Variants in CNTNAP5 observed in about 807,000 individuals in gnomAD.
CNTNAP5 encodes contactin associated protein family member 5.
In CNTNAP5, 72 loss-of-function variants were observed where a neutral mutation model predicts 150.2. The ratio of observed to expected loss-of-function variants is 0.48; its 90% CI spans 0.40 to 0.58. The LOEUF (loss-of-function observed/expected upper bound fraction) is 0.58. Ranked by LOEUF, CNTNAP5 falls within the 20% of genes least tolerant of loss-of-function variation. The pLI, the probability that CNTNAP5 is intolerant of heterozygous loss-of-function variation, is 0.00. For missense variants in CNTNAP5, 1,636 were observed against 1,626.2 expected (o/e 1.01, Z -0.10); for synonymous variants, 672 against 619.8 (o/e 1.08, Z -1.25).
At chr2:124,196,547 T>C (rs1685591832) in intron 1 of CNTNAP5, among the ~76,000 whole-genome samples, 1 of 152,162 alleles carries the variant, frequency 6.6e-6, no homozygotes, top group Admixed American at 6.6e-5. Flanking sequence ...TATCCCATAC[T>C]CCTTAACAGA....
intron 8 of CNTNAP5, among the ~76,000 whole-genome samples, chr2:124,520,771 T>C (rs1228257211): frequency 6.6e-6 from 1 of 152,198 alleles, no homozygotes; most frequent in Non-Finnish European, 1.5e-5. Context: ...GTTGCTTTCC[T>C]GTTCTCCTCA....
At chr2:124,863,561 A>G (rs1272441510) in intron 19 of CNTNAP5, among the ~76,000 whole-genome samples, 1 of 152,218 alleles carries the variant, frequency 6.6e-6, no homozygotes, top group Non-Finnish European at 1.5e-5. Flanking sequence ...GTGTTAGGCA[A>G]TGGCCTCATA....
intron 14 of CNTNAP5, among the ~76,000 whole-genome samples, chr2:124,758,629 G>C (rs1573597828): frequency 6.6e-6 from 1 of 152,048 alleles, no homozygotes; most frequent in East Asian, 1.9e-4. Context: ...GGGTGCAGAG[G>C]AAGATGAGAT....
At chr2:124,359,269 T>C (rs1421541427) in intron 3 of CNTNAP5, among the ~76,000 whole-genome samples, 1 of 151,168 alleles carries the variant, frequency 6.6e-6, no homozygotes, top group Non-Finnish European at 1.5e-5. Context: ...CTGGATTCAT[T>C]GATTTTTTGA....
intron 10 of CNTNAP5, 112 bp from the exon 11 acceptor site, chr2:124,563,104 GC>G (rs1695932503): frequency 4.5e-6 from 3 of 673,956 alleles, no homozygotes; most frequent in Non-Finnish European, 8.0e-6. Flanking sequence ...TGGGAGTATA[GC>G]AAATCAATAT....
chr2:124,263,421 G>A (rs1687515747), intron 3 of CNTNAP5, among the ~76,000 whole-genome samples: 1 of 152,118 alleles, frequency 6.6e-6, no homozygotes, highest in Non-Finnish European at 1.5e-5. Flanking sequence ...ATTTTTTCAT[G>A]TGTCTTTTGG....
intron 12 of CNTNAP5, among the ~76,000 whole-genome samples, chr2:124,621,672 C>T (rs960207165): frequency 6.6e-6 from 1 of 152,138 alleles, no homozygotes; most frequent in Admixed American, 6.6e-5. Context: ...AAATTGGTAG[C>T]CTTGCTTCCT....
chr2:124,058,313 A>C (rs1450853036), intron 1 of CNTNAP5, among the ~76,000 whole-genome samples: 1 of 152,032 alleles, frequency 6.6e-6, no homozygotes, highest in Non-Finnish European at 1.5e-5. Flanking sequence ...CCCCTTGAAA[A>C]CCATCCTGTC....
Position 124,474,789 on chromosome 2 carries a change from GAA to G in CNTNAP5, c.973_974del (p.Asn325LeufsTer17), listed in dbSNP as rs1302666529. Reference sequence around the variant, plus strand: ...CAGGAAAACCTGGGACCTTTTTAAAGAAAAACTTCCATGGATGCATCGAAAAC... The same window carrying G: ...CAGGAAAACCTGGGACCTTTTTAAAGAAACTTCCATGGATGCATCGAAAAC... ...VPGKPGTFLK[K>X]NFHGCIENLY... On this transcript the variant is annotated frameshift_variant, in exon 7 of 24. Transcript: ENST00000682447. LOFTEE classifies it high-confidence loss of function. The G allele has an allele frequency of 6.2e-7, 1 of 1,601,674 alleles. No homozygotes were observed.
At position 124,919,776 on chromosome 2, in the gene CNTNAP5, T is replaced by C. The variant is rs1678838279; in HGVS notation, c.*5488T>C. 6.6e-6 allele frequency among the ~76,000 whole-genome samples: 1 copy of C among 152,096 alleles called. No individual in the cohort carries two copies. The highest frequency in any genetic ancestry group is 2.4e-5 in the African/African-American group (1 of 41,426). The stretch of plus-strand genomic sequence containing the variant: ...TTTTTTTCAATTTTTAAATTTTTTT[T>C]CAGGATTTTCTCAGAGTGCTTTAGA... On this transcript the variant is annotated 3_prime_UTR_variant, in exon 24 of 24. Coordinates refer to ENST00000682447, the MANE Select transcript of CNTNAP5 (RefSeq NM_001367498.1).
At chr2:124,747,192 T>C (rs555990830) in intron 13 of CNTNAP5, 37 bp from the exon 14 acceptor site, 32 of 1,593,876 alleles carry the variant, frequency 2.0e-5, no homozygotes, top group Non-Finnish European at 2.7e-5. Flanking sequence ...ACTTCAGGCT[T>C]GCCCTACCCT....
At chr2:124,898,101 A>G (rs1367873497) in intron 21 of CNTNAP5, among the ~76,000 whole-genome samples, 1 of 151,234 alleles carries the variant, frequency 6.6e-6, no homozygotes, top group Non-Finnish European at 1.5e-5. Flanking sequence ...GAAAGCCACA[A>G]TGAACTCCAG....
chr2:124,870,049 CTTAAT>C (rs1444678870), intron 21 of CNTNAP5, among the ~76,000 whole-genome samples: 1 of 151,774 alleles, frequency 6.6e-6, no homozygotes, highest in Non-Finnish European at 1.5e-5. Flanking sequence ...TTAAGTTTTA[CTTAAT>C]TTTAACTTAA....
At chr2:124,114,732 C>T (rs924057911) in intron 1 of CNTNAP5, among the ~76,000 whole-genome samples, 32 of 151,768 alleles carry the variant, frequency 2.1e-4, no homozygotes, top group African/African-American at 5.3e-4. Context: ...TCAATAAATA[C>T]GATATCTGAT....
Position 124,095,599 on chromosome 2 carries a change from A to G in CNTNAP5, c.82+69867A>G, listed in dbSNP as rs187924573. On this transcript the variant is annotated intron_variant, in intron 1 of 23. Coordinates refer to ENST00000682447, the MANE Select transcript of CNTNAP5 (RefSeq NM_001367498.1). ...TGGAAGGCTGGAAGCTAACCCTACT[A>G]TCCCTCCTTCCACAGGAAAGTTCCT... 1.6e-4 allele frequency among the ~76,000 whole-genome samples: 24 copies of G among 152,184 alleles called. 1 individual carries two copies. In the East Asian group the frequency reaches 2.5e-3, roughly 16 times the overall value.
chr2:124,056,050 C>A (rs1681838882), intron 1 of CNTNAP5, among the ~76,000 whole-genome samples: 1 of 152,130 alleles, frequency 6.6e-6, no homozygotes, highest in African/African-American at 2.4e-5. Context: ...ATACTTCTTT[C>A]CCTTCTCAAT....
intron 3 of CNTNAP5, among the ~76,000 whole-genome samples, chr2:124,291,514 A>G (rs1260581374): frequency 6.6e-6 from 1 of 152,012 alleles, no homozygotes; most frequent in African/African-American, 2.4e-5. Flanking sequence ...TGTACACCAG[A>G]GAGAGCCACA....
intron 4 of CNTNAP5, among the ~76,000 whole-genome samples, chr2:124,423,568 G>A (rs984896898): frequency 2.7e-5 from 4 of 147,154 alleles, no homozygotes; most frequent in African/African-American, 1.0e-4. Flanking sequence ...CCGTGGTCTC[G>A]ATCTCCTGAC....
chr2:124,640,394 C>T (rs957138301), intron 12 of CNTNAP5, among the ~76,000 whole-genome samples: 13 of 152,128 alleles, frequency 8.5e-5, no homozygotes, highest in African/African-American at 2.4e-4. Context: ...CAGTAATGGA[C>T]GGAGCCCGCC....
Sources: allele counts gnomAD v4.1 joint callset (sites outside exome capture counted in the v4.1 genomes callset), GRCh38; gene constraint gnomAD v4.1.1; transcripts MANE v1.5; gene names NCBI Gene and HGNC (gene_info 2026-07-23, HGNC 2026-07-21).